C16orf96: variants seen among roughly 807,000 people sequenced by gnomAD.
C16orf96 encodes chromosome 16 open reading frame 96, also known as uncharacterized protein C16orf96.
Under a neutral mutation model 103.6 loss-of-function variants are expected in C16orf96, and 108 were observed. The observed-to-expected ratio is 1.04, with a 90% confidence interval of 0.89 to 1.22. C16orf96 has a LOEUF of 1.22. Among genes scored for constraint, C16orf96 ranks in the 50% most tolerant of loss-of-function variants. The probability of loss-of-function intolerance (pLI) is 0.00; values close to 1 mark genes in which losing one functional copy is unlikely to be tolerated. For missense variants in C16orf96, 1,586 were observed against 1,464.2 expected (o/e 1.08, Z -1.36); for synonymous variants, 566 against 593.5 (o/e 0.95, Z 0.67).
chr16:4,550,320 C>G, the C16orf96 span, among the ~76,000 whole-genome samples: 15 of 152,124 alleles, frequency 9.9e-5, 1 homozygote, highest in African/African-American at 3.4e-4. Flanking sequence ...AGTGACCTCA[C>G]GTGATCCGCC....
Position 4,574,806 on chromosome 16 carries a change from C to G in C16orf96, c.606+17C>G. Reference sequence around the variant, plus strand: ...CGGGAAGTGGTGAGGGCCACCATCCCTGTCTTCCCCCACTCCCCCTGGGAC... The same window carrying G: ...CGGGAAGTGGTGAGGGCCACCATCCGTGTCTTCCCCCACTCCCCCTGGGAC... On this transcript the variant is annotated intron_variant, in intron 3 of 15. Coordinates refer to ENST00000444310, the MANE Select transcript of C16orf96 (RefSeq NM_001145011.2). The G allele has an allele frequency of 6.4e-7, 1 of 1,550,692 alleles. No homozygotes were observed. Among genetic ancestry groups the G allele is most frequent in the Non-Finnish European group, 8.7e-7 (1 of 1,146,496 alleles).
chr16:4,565,831 A>G (rs925414763), intron 1 of C16orf96, among the ~76,000 whole-genome samples: 7 of 152,120 alleles, frequency 4.6e-5, no homozygotes, highest in Admixed American at 6.6e-5. Flanking sequence ...TGCTATAAGC[A>G]TTCATGTACA....
rs1322256727 is a variant in C16orf96 at position 4,565,547 on chromosome 16, G to A, written c.421-6014G>A. Among the ~76,000 whole-genome samples, 3 of 152,352 alleles carry A rather than the reference G, an allele frequency of 2.0e-5. No homozygotes were observed. In the East Asian group the frequency reaches 5.8e-4, roughly 29 times the overall value. On this transcript the variant is annotated intron_variant, in intron 1 of 15. Transcript: ENST00000444310. ...TCTGGCGCCCAGGCTGGAGTGCAGT[G>A]GCACAGTCTCAGCTCACTGCAACCT...
intron 2 of C16orf96, among the ~76,000 whole-genome samples, chr16:4,573,336 G>A (rs758745752): frequency 6.6e-6 from 1 of 151,426 alleles, no homozygotes; most frequent in Non-Finnish European, 1.5e-5. Flanking sequence ...CTACTCAGGA[G>A]GCTGAGGCAC....
the C16orf96 span, among the ~76,000 whole-genome samples, chr16:4,550,995 G>A: frequency 2.0e-5 from 3 of 152,202 alleles, no homozygotes; most frequent in Non-Finnish European, 4.4e-5. Context: ...GCTCAGGGTC[G>A]GGCGCGGTGG....
chr16:4,551,478 G>A (rs539650988), upstream of C16orf96, among the ~76,000 whole-genome samples: 1 of 152,140 alleles, frequency 6.6e-6, no homozygotes, highest in Non-Finnish European at 1.5e-5. Flanking sequence ...TTGAGACGGA[G>A]TCTTGCTCTG....
Position 4,585,312 on chromosome 16 carries a change from A to AAAAAAAAAAG in C16orf96, c.2353-1727_2353-1726insAAAAAAAAAG, listed in dbSNP as rs60726283. 7.3e-5 allele frequency among the ~76,000 whole-genome samples: 8 copies of AAAAAAAAAAG among 109,944 alleles called. 2 individuals are homozygous for AAAAAAAAAAG. Among genetic ancestry groups the AAAAAAAAAAG allele is most frequent in the South Asian group, 5.7e-4 (2 of 3,528 alleles). The allele number at this position is 109,944 out of a possible 152,430, so 72.1% of individuals were successfully genotyped here. ...TCTACAAAAAAAAAAAAAAAAAAAA[A>AAAAAAAAAAG]TCCAGGTAGGTGGTGTCACCTGCAG... On this transcript the variant is annotated intron_variant, in intron 7 of 15. Transcript: ENST00000444310.
chr16:4,600,572 C>T lies in C16orf96; in HGVS notation c.*255C>T, dbSNP rs892676175. ...CCCCACCCCCACCAAGTCCCGTCCC[C>T]GGCTGAGACCCAGGGCCCTGAGCCT... On this transcript the variant is annotated 3_prime_UTR_variant, in exon 16 of 16. Transcript: ENST00000444310. 8 of 466,010 alleles carry T rather than the reference C, an allele frequency of 1.7e-5. No individual in the cohort carries two copies. Among genetic ancestry groups the T allele is most frequent in the Non-Finnish European group, 2.8e-5 (7 of 251,810 alleles). The allele number at this position is 466,010 out of a possible 1,614,324, so 28.9% of individuals were successfully genotyped here.
intron 2 of C16orf96, among the ~76,000 whole-genome samples, chr16:4,574,265 C>T (rs1458839505): frequency 6.6e-6 from 1 of 152,058 alleles, no homozygotes; most frequent in East Asian, 1.9e-4. Context: ...CTCTGTTGCC[C>T]AGGCTGGAGT....
intron 7 of C16orf96, among the ~76,000 whole-genome samples, chr16:4,583,070 T>G (rs916696845): frequency 6.6e-5 from 10 of 151,900 alleles, no homozygotes; most frequent in Non-Finnish European, 1.5e-4. Flanking sequence ...AGCCGATCGC[T>G]ACTAAAAACA....
In C16orf96 at chr16:4,585,648, G is replaced by A. The variant is rs763468691; in HGVS notation, c.2353-1391G>A. On this transcript the variant is annotated intron_variant, in intron 7 of 15. Transcript: ENST00000444310. The stretch of plus-strand genomic sequence containing the variant: ...CCTGCTGGTTGGATCAGTTCCCTGC[G>A]GTTGCTGCGGCAAATCACTCTTGGG... Among the ~76,000 whole-genome samples the A allele has an allele frequency of 3.9e-5, 6 of 152,084 alleles. No individual in the cohort carries two copies. In the East Asian group the frequency reaches 5.8e-4, roughly 15 times the overall value.
In C16orf96 at chr16:4,595,730, G is replaced by A. The variant is rs193174382; in HGVS notation, c.3127+927G>A. Among the ~76,000 whole-genome samples, 352 of 152,010 alleles carry A rather than the reference G, an allele frequency of 2.3e-3. 6 individuals carry two copies. The highest frequency in any genetic ancestry group is 8.2e-3 in the African/African-American group (338 of 41,448). ...GTTGTTGTTTGTTTGTTTTTGAGGC[G>A]GAGTCTTGCTCTGTCGCCCAGGCTG... On this transcript the variant is annotated intron_variant, in intron 14 of 15. Coordinates refer to ENST00000444310, the MANE Select transcript of C16orf96 (RefSeq NM_001145011.2).
chr16:4,585,755 C>A (rs1281291696), intron 7 of C16orf96, among the ~76,000 whole-genome samples: 1 of 152,172 alleles, frequency 6.6e-6, no homozygotes, highest in Non-Finnish European at 1.5e-5. Flanking sequence ...CTCGCCTCTC[C>A]CAGCTTCTGG....
intron 5 of C16orf96, 62 bp from the exon 6 acceptor site, chr16:4,578,878 G>A: frequency 7.5e-7 from 1 of 1,326,676 alleles, no homozygotes; most frequent in Non-Finnish European, 1.1e-6. Flanking sequence ...AGCAGCTAGA[G>A]CCCAACAGAA....
chr16:4,571,629 A>G lies in C16orf96; in HGVS notation c.489A>G (p.Arg163=), dbSNP rs2141712552. The change falls in exon 2 of 16, where the codon AGA becomes AGG. Residue 163 remains arginine (R), a synonymous_variant. Coordinates refer to ENST00000444310, the MANE Select transcript of C16orf96 (RefSeq NM_001145011.2). ...HALQVTITAL[R]KEVDMLKNML... ...TCCAGGTCACCATCACAGCCCTCAG[A>G]AAAGAAGTGGACATGCTGAAGAACA... 1 of 1,552,212 alleles carries G rather than the reference A, an allele frequency of 6.4e-7. No homozygotes were observed. Among genetic ancestry groups the G allele is most frequent in the South Asian group, 1.2e-5 (1 of 84,070 alleles).
chr16:4,586,658 G>C (rs1034431344), intron 7 of C16orf96, among the ~76,000 whole-genome samples: 1 of 152,212 alleles, frequency 6.6e-6, no homozygotes, highest in African/African-American at 2.4e-5. Flanking sequence ...GCTGTGATAA[G>C]TGCTCAGTTC....
intron 7 of C16orf96, among the ~76,000 whole-genome samples, chr16:4,586,086 C>T (rs1177942541): frequency 6.6e-6 from 1 of 152,010 alleles, no homozygotes; most frequent in Non-Finnish European, 1.5e-5. Context: ...ATGGTGAAAC[C>T]CCATATCTAC....
At chr16:4,582,839 A>AG (rs551921556) in intron 7 of C16orf96, among the ~76,000 whole-genome samples, 104 of 152,316 alleles carry the variant, frequency 6.8e-4, no homozygotes, top group African/African-American at 2.4e-3. Flanking sequence ...GTCACTTATT[A>AG]GAAAGACTCT....
At chr16:4,584,712 T>G (rs1264331371) in intron 7 of C16orf96, among the ~76,000 whole-genome samples, 2 of 152,116 alleles carry the variant, frequency 1.3e-5, no homozygotes, top group Non-Finnish European at 2.9e-5. Flanking sequence ...TTTTTTATTT[T>G]GAGTAGAGAC....
Sources: allele counts gnomAD v4.1 joint callset (sites outside exome capture counted in the v4.1 genomes callset), GRCh38; gene constraint gnomAD v4.1.1; transcripts MANE v1.5; gene names NCBI Gene and HGNC (gene_info 2026-07-23, HGNC 2026-07-21).